SV2C: variants seen among roughly 807,000 people sequenced by gnomAD.
SV2C encodes the protein synaptic vesicle glycoprotein 2C.
Under a neutral mutation model 79.7 loss-of-function variants are expected in SV2C, and 49 were observed. The ratio of observed to expected loss-of-function variants is 0.61; its 90% CI spans 0.49 to 0.78. The LOEUF is 0.78. Among genes scored for constraint, SV2C ranks in the 30% least tolerant of loss-of-function variants. The probability of loss-of-function intolerance (pLI) is 0.00; values close to 1 mark genes in which losing one functional copy is unlikely to be tolerated. For synonymous variants in SV2C, 334 were observed against 333.2 expected, an observed-to-expected ratio of 1.00 and a Z score of -0.03; for missense variants, 833 against 912.9, an observed-to-expected ratio of 0.91 and a Z score of 1.13.
the SV2C span, among the ~76,000 whole-genome samples, chr5:75,941,046 G>T: frequency 3.3e-5 from 5 of 152,072 alleles, no homozygotes; most frequent in Admixed American, 6.6e-5. Flanking sequence ...GAGCTCAATG[G>T]CTTTTTCTTG....
At position 76,194,977 on chromosome 5, in the gene SV2C, CAA is replaced by C. The variant is rs753028834; in HGVS notation, c.641_642del (p.Lys214SerfsTer54). 1.5e-5 allele frequency: 24 copies of C among 1,613,906 alleles called. 1 individual carries two copies. The highest frequency in any genetic ancestry group is 1.9e-5 in the Non-Finnish European group (23 of 1,179,962). On this transcript the variant is annotated frameshift_variant, in exon 3 of 13. Transcript: ENST00000502798. LOFTEE classifies it high-confidence loss of function. ...CGTTCTTCTGGGGAGGACTGGCAGACAAAGTGGGAAGGAAACAGTCTCTTCTG... is the reference window on the plus strand; with the variant it reads ...CGTTCTTCTGGGGAGGACTGGCAGACAGTGGGAAGGAAACAGTCTCTTCTG... ...GAFFWGGLADKVGRKQSLLIC... is the reference protein window; with the variant it reads ...GAFFWGGLADXVGRKQSLLIC...
At chr5:75,951,165 T>C in the SV2C span, among the ~76,000 whole-genome samples, 6 of 151,980 alleles carry the variant, frequency 3.9e-5, no homozygotes, top group Admixed American at 3.9e-4. Flanking sequence ...AAAATTTATG[T>C]GGTCTTACAG....
chr5:76,308,328 G>A (rs1349617837), intron 12 of SV2C, among the ~76,000 whole-genome samples: 2 of 152,124 alleles, frequency 1.3e-5, no homozygotes, highest in Non-Finnish European at 2.9e-5. Context: ...GGATACCATG[G>A]GAGGGAGGGA....
At chr5:76,264,328 T>C (rs1405850076) in intron 4 of SV2C, among the ~76,000 whole-genome samples, 1 of 152,008 alleles carries the variant, frequency 6.6e-6, no homozygotes, top group East Asian at 1.9e-4. Context: ...AGTTAGCAGT[T>C]CCTGTAACCT....
At chr5:75,847,922 C>T in the SV2C span, among the ~76,000 whole-genome samples, 2 of 152,140 alleles carry the variant, frequency 1.3e-5, no homozygotes, top group African/African-American at 2.4e-5. Flanking sequence ...GTCCCAGGTA[C>T]GATCTAGAAC....
chr5:76,306,270 G>C (rs1178289622), intron 12 of SV2C, among the ~76,000 whole-genome samples: 1 of 151,982 alleles, frequency 6.6e-6, no homozygotes, highest in Non-Finnish European at 1.5e-5. Flanking sequence ...TGCCCAGGCT[G>C]GTCTCAAACT....
At chr5:76,207,325 G>A (rs1744637187) in intron 3 of SV2C, among the ~76,000 whole-genome samples, 1 of 152,170 alleles carries the variant, frequency 6.6e-6, no homozygotes, top group African/African-American at 2.4e-5. Flanking sequence ...TAATGAGGAA[G>A]TGAAAAGTCA....
the SV2C span, among the ~76,000 whole-genome samples, chr5:75,932,202 G>T: frequency 6.6e-6 from 1 of 152,144 alleles, no homozygotes; most frequent in African/African-American, 2.4e-5. Flanking sequence ...CCTTCTTCCC[G>T]GGGAGCCCTA....
At chr5:76,334,496 T>C (rs1410190375), downstream of SV2C, among the ~76,000 whole-genome samples, 1 of 152,222 alleles carries the variant, frequency 6.6e-6, no homozygotes, top group Admixed American at 6.5e-5. Context: ...CATCCCAAGG[T>C]TGGTTCTGAT....
chr5:76,128,615 A>T (rs1213892606), intron 1 of SV2C, among the ~76,000 whole-genome samples: 1 of 152,204 alleles, frequency 6.6e-6, no homozygotes, highest in African/African-American at 2.4e-5. Context: ...CATCTGTAAA[A>T]TGGAAGACTA....
the SV2C span, among the ~76,000 whole-genome samples, chr5:75,873,195 A>G: frequency 2.0e-5 from 3 of 152,166 alleles, no homozygotes; most frequent in Non-Finnish European, 4.4e-5. Context: ...CAATGAATTC[A>G]TGAATACATG....
chr5:75,911,479 A>G, the SV2C span: 1 of 854,982 alleles, frequency 1.2e-6, no homozygotes, highest in East Asian at 2.4e-5. Flanking sequence ...CATACCCTCC[A>G]GTCCTCCAGC....
the SV2C span, among the ~76,000 whole-genome samples, chr5:75,882,833 G>A: frequency 6.6e-6 from 1 of 150,528 alleles, no homozygotes; most frequent in Non-Finnish European, 1.5e-5. Context: ...AGCCAAAATT[G>A]ACAAATGGGA....
the SV2C span, among the ~76,000 whole-genome samples, chr5:75,898,910 A>T: frequency 1.3e-4 from 20 of 151,988 alleles, no homozygotes; most frequent in Non-Finnish European, 1.3e-4. Context: ...GGATTGGTGG[A>T]GATATCCCCT....
chr5:76,190,614 C>T (rs1213996622), intron 2 of SV2C, among the ~76,000 whole-genome samples: 1 of 152,144 alleles, frequency 6.6e-6, no homozygotes, highest in South Asian at 2.1e-4. Flanking sequence ...GAAGTCCATA[C>T]TTCATAGTCT....
chr5:76,173,839 A>G, intron 2 of SV2C: 3 of 1,597,490 alleles, frequency 1.9e-6, no homozygotes, highest in Non-Finnish European at 2.6e-6. Flanking sequence ...CACACTTATT[A>G]CCAACAAGAA....
chr5:75,999,411 A>AC, the SV2C span, among the ~76,000 whole-genome samples: 3 of 90,430 alleles, frequency 3.3e-5, no homozygotes, highest in South Asian at 8.6e-4. Context: ...GAGAGAGAGA[A>AC]TGATTGTGAG....
chr5:76,114,449 G>A (rs1224625224), intron 1 of SV2C, among the ~76,000 whole-genome samples: 2 of 152,174 alleles, frequency 1.3e-5, no homozygotes, highest in Non-Finnish European at 2.9e-5. Flanking sequence ...AAGCTCTGGG[G>A]GCTCTGTTTC....
At chr5:76,042,377 A>G in the SV2C span, among the ~76,000 whole-genome samples, 1 of 152,176 alleles carries the variant, frequency 6.6e-6, no homozygotes, top group Non-Finnish European at 1.5e-5. Flanking sequence ...CACTCTGTAG[A>G]TTTGCTATAG....
Sources: gnomAD v4.1 joint callset for allele counts (sites outside exome capture counted in the v4.1 genomes callset) on GRCh38, gnomAD v4.1.1 for gene constraint, MANE v1.5 for transcripts, NCBI Gene and HGNC (gene_info 2026-07-23, HGNC 2026-07-21) for gene names.